GDAP1: variants seen among roughly 807,000 people sequenced by gnomAD.
The protein encoded by GDAP1 is ganglioside induced differentiation associated protein 1, also known as ganglioside-induced differentiation-associated protein 1.
GDAP1 carries 34 observed loss-of-function variants against 40.1 expected under a neutral mutation model. The ratio of observed to expected loss-of-function variants is 0.85; its 90% CI spans 0.64 to 1.13. The LOEUF (loss-of-function observed/expected upper bound fraction) is 1.13, where lower values mean the gene tolerates loss of function less well. Ranked by LOEUF, GDAP1 falls within the 50% of genes most tolerant of loss-of-function variation. GDAP1 has a pLI of 0.00. For missense variants in GDAP1, 374 were observed against 433.7 expected, an observed-to-expected ratio of 0.86 and a Z score of 1.22; for synonymous variants, 170 against 157.4, an observed-to-expected ratio of 1.08 and a Z score of -0.60.
intron 2 of GDAP1, among the ~76,000 whole-genome samples, chr8:74,400,637 C>T (rs1468350089): frequency 6.7e-6 from 1 of 149,936 alleles, no homozygotes; most frequent in Non-Finnish European, 1.5e-5. Context: ...GATGCAGTTT[C>T]TTCCTAGCCT....
rs73347203 is a variant in GDAP1, at chr8:74,364,861, A to G, written c.*494A>G. 1.3e-4 allele frequency: 60 copies of G among 454,290 alleles called. No individual in the cohort carries two copies. Among genetic ancestry groups the G allele is most frequent in the African/African-American group, 1.2e-3 (59 of 50,116 alleles). The allele number at this position is 454,290 out of a possible 1,614,324, so 28.1% of individuals were successfully genotyped here. A position where few individuals can be genotyped will look rare whatever the true frequency, so the allele number is the denominator to read the frequency against. ...TTTTAAATGCTTATGAATCACACAC[A>G]TTGCTTTAGTAAGATTAAGTGCTTA... On this transcript the variant is annotated 3_prime_UTR_variant, in exon 6 of 6. Coordinates refer to ENST00000220822, the MANE Select transcript of GDAP1 (RefSeq NM_018972.4).
At chr8:74,480,609 T>G (rs1563481099) in intron 2 of GDAP1, among the ~76,000 whole-genome samples, 1 of 152,226 alleles carries the variant, frequency 6.6e-6, no homozygotes, top group Non-Finnish European at 1.5e-5. Flanking sequence ...AGTTGTTGCC[T>G]TACAGAAGCT....
In GDAP1 at chr8:74,366,393, G is replaced by C. The variant is rs1378975053; in HGVS notation, c.*2026G>C. ...AATGACCTCAGTTTCTGAAATAAGG[G>C]CATCTTCATCAGATTATTCTTCTGT... On this transcript the variant is annotated 3_prime_UTR_variant, in exon 6 of 6. Coordinates refer to ENST00000220822, the MANE Select transcript of GDAP1 (RefSeq NM_018972.4). 2.2e-6 allele frequency: 1 copy of C among 454,346 alleles called. No homozygotes were observed. Among genetic ancestry groups the C allele is most frequent in the East Asian group, 6.9e-5 (1 of 14,392 alleles). The allele number at this position is 454,346 out of a possible 1,614,324, so 28.1% of individuals were successfully genotyped here.
Position 74,488,159 on chromosome 8 carries a change from A to C in GDAP1, c.166-519A>C, listed in dbSNP as rs6472856. On this transcript the variant is annotated intron_variant, in intron 2 of 2. Transcript: ENST00000523640. The stretch of plus-strand genomic sequence containing the variant: ...GAACAAGCATTAAAGTCTAATTATT[A>C]AAGTTAAAAATTATTAAACTAGCAC... Among the ~76,000 whole-genome samples the C allele has an allele frequency of 6.6e-3, 1,003 of 152,340 alleles. 16 individuals carry two copies. Among genetic ancestry groups the C allele is most frequent in the African/African-American group, 0.023 (950 of 41,578 alleles).
chr8:74,370,262 T>A (rs187825296), downstream of GDAP1, among the ~76,000 whole-genome samples: 1 of 152,364 alleles, frequency 6.6e-6, no homozygotes, highest in African/African-American at 2.4e-5. Context: ...AATGTAAATT[T>A]CTGGGCTCTA....
At chr8:74,471,784 C>T (rs541836818) in intron 2 of GDAP1, among the ~76,000 whole-genome samples, 1 of 152,200 alleles carries the variant, frequency 6.6e-6, no homozygotes, top group African/African-American at 2.4e-5. Flanking sequence ...TACTCTTTTT[C>T]ATCTGGCTTC....
chr8:74,375,533 T>A (rs1306445365), intron 2 of GDAP1, among the ~76,000 whole-genome samples: 1 of 152,134 alleles, frequency 6.6e-6, no homozygotes, highest in Non-Finnish European at 1.5e-5. Context: ...AGATGAAACA[T>A]CATATAACCA....
chr8:74,392,899 T>C (rs2095309505), intron 2 of GDAP1, among the ~76,000 whole-genome samples: 1 of 152,220 alleles, frequency 6.6e-6, no homozygotes, highest in Non-Finnish European at 1.5e-5. Flanking sequence ...ATACTGAGTT[T>C]ACATTAGCCA....
intron 2 of GDAP1, among the ~76,000 whole-genome samples, chr8:74,352,867 A>G (rs1202128668): frequency 6.6e-6 from 1 of 152,186 alleles, no homozygotes; most frequent in African/African-American, 2.4e-5. Flanking sequence ...GTGTTAATAA[A>G]TCTATTTTAA....
intron 2 of GDAP1, among the ~76,000 whole-genome samples, chr8:74,442,218 G>A (rs1332965017): frequency 6.6e-6 from 1 of 152,148 alleles, no homozygotes; most frequent in Non-Finnish European, 1.5e-5. Flanking sequence ...GAGACAATAC[G>A]GGGAAATACT....
chr8:74,374,075 G>A (rs1485702094), intron 2 of GDAP1, among the ~76,000 whole-genome samples: 5 of 152,298 alleles, frequency 3.3e-5, no homozygotes, highest in South Asian at 2.1e-4. Context: ...ATTGGCGTAC[G>A]TTGAACCAGC....
intron 2 of GDAP1, among the ~76,000 whole-genome samples, chr8:74,385,290 G>C (rs1253545589): frequency 6.6e-6 from 1 of 151,980 alleles, no homozygotes; most frequent in African/African-American, 2.4e-5. Context: ...AACCCATCAT[G>C]TACATTAGGT....
intron 2 of GDAP1, among the ~76,000 whole-genome samples, chr8:74,447,447 G>T (rs1323982865): frequency 6.6e-6 from 1 of 152,084 alleles, no homozygotes; most frequent in Non-Finnish European, 1.5e-5. Flanking sequence ...AATCTGAAGT[G>T]CTTCAGAATC....
At chr8:74,467,473 G>C (rs973161530) in intron 2 of GDAP1, among the ~76,000 whole-genome samples, 8 of 152,182 alleles carry the variant, frequency 5.3e-5, no homozygotes, top group Non-Finnish European at 7.3e-5. Context: ...ATTTGAGAGA[G>C]AGAGTATAAT....
intron 2 of GDAP1, among the ~76,000 whole-genome samples, chr8:74,401,558 A>G (rs551349471): frequency 6.7e-6 from 1 of 150,154 alleles, no homozygotes; most frequent in African/African-American, 2.5e-5. Flanking sequence ...CAACTCGTCA[A>G]AGTCATTCTC....
intron 2 of GDAP1, among the ~76,000 whole-genome samples, chr8:74,390,192 A>T (rs1810086538): frequency 6.6e-6 from 1 of 152,178 alleles, no homozygotes. Context: ...TCAATTCATC[A>T]AACTCATCCT....
chr8:74,375,280 T>G (rs1563450840), intron 2 of GDAP1, among the ~76,000 whole-genome samples: 1 of 151,862 alleles, frequency 6.6e-6, no homozygotes, highest in Non-Finnish European at 1.5e-5. Flanking sequence ...TGAGCCGAGA[T>G]CGCGCCACTG....
chr8:74,380,815 ACC>A (rs1324867804), intron 2 of GDAP1, among the ~76,000 whole-genome samples: 1 of 152,218 alleles, frequency 6.6e-6, no homozygotes, highest in Non-Finnish European at 1.5e-5. Context: ...TAAAATACAC[ACC>A]ATGATTTTTC....
chr8:74,399,948 C>T (rs1474967091), intron 2 of GDAP1, among the ~76,000 whole-genome samples: 1 of 142,968 alleles, frequency 7.0e-6, no homozygotes, highest in Non-Finnish European at 1.5e-5. Flanking sequence ...TTTACATTTG[C>T]TGAGGAGAGC....
Sources: allele counts gnomAD v4.1 joint callset (sites outside exome capture counted in the v4.1 genomes callset), GRCh38; gene constraint gnomAD v4.1.1; transcripts MANE v1.5; gene names NCBI Gene and HGNC (gene_info 2026-07-23, HGNC 2026-07-21).